CADM2: variants seen among roughly 807,000 people sequenced by gnomAD.
CADM2 encodes the protein cell adhesion molecule 2, also known as immunoglobulin superfamily member 4D.
CADM2 carries 12 observed loss-of-function variants against 49.8 expected under a neutral mutation model. That is an observed-to-expected ratio of 0.24 (90% CI 0.15 to 0.39). The LOEUF (loss-of-function observed/expected upper bound fraction) is 0.39. CADM2 is among the 10% of genes least tolerant of loss of function. The pLI is 1.00. For synonymous variants in CADM2, 214 were observed against 175.4 expected, an observed-to-expected ratio of 1.22 and a Z score of -1.74; for missense variants, 378 against 492.3, an observed-to-expected ratio of 0.77 and a Z score of 2.20.
At chr3:85,475,524 A>G (rs1408902267) in intron 1 of CADM2, among the ~76,000 whole-genome samples, 1 of 151,868 alleles carries the variant, frequency 6.6e-6, no homozygotes, top group Non-Finnish European at 1.5e-5. Flanking sequence ...TACATTTTTC[A>G]TGACCCGTTT....
intron 1 of CADM2, among the ~76,000 whole-genome samples, chr3:85,582,585 G>GGA (rs909783536): frequency 6.6e-5 from 10 of 152,074 alleles, no homozygotes; most frequent in Non-Finnish European, 1.0e-4. Context: ...CATGGAAGAT[G>GGA]GAGAGAGAGC....
chr3:85,555,873 A>G (rs2061944551), intron 1 of CADM2, among the ~76,000 whole-genome samples: 1 of 152,158 alleles, frequency 6.6e-6, no homozygotes, highest in African/African-American at 2.4e-5. Flanking sequence ...TTGTTATTTT[A>G]GACATTGAAA....
chr3:85,176,270 C>T (rs995186735), intron 1 of CADM2, among the ~76,000 whole-genome samples: 1 of 152,124 alleles, frequency 6.6e-6, no homozygotes, highest in Non-Finnish European at 1.5e-5. Flanking sequence ...AGCAGCCATA[C>T]CCTCTCACCA....
At chr3:85,930,394 C>A (rs968090510) in intron 6 of CADM2, among the ~76,000 whole-genome samples, 5 of 152,004 alleles carry the variant, frequency 3.3e-5, no homozygotes, top group African/African-American at 1.2e-4. Context: ...ACGAAATAAG[C>A]ACATCATGAA....
Position 85,295,785 on chromosome 3 carries a change from G to A in CADM2, c.61+336117G>A, listed in dbSNP as rs76813416. 1.5e-3 allele frequency among the ~76,000 whole-genome samples: 232 copies of A among 152,114 alleles called. 4 individuals are homozygous for A. In the East Asian group the frequency reaches 0.042, roughly 28 times the overall value. On this transcript the variant is annotated intron_variant, in intron 1 of 9. Transcript: ENST00000383699. ...CACTCTGGGGACTGTTGTGGGGTTG[G>A]GGGAGAGGGGAGGGATAGCATTGGG...
intron 1 of CADM2, among the ~76,000 whole-genome samples, chr3:84,985,851 T>C (rs1303112874): frequency 2.6e-5 from 4 of 152,216 alleles, no homozygotes; most frequent in Non-Finnish European, 5.9e-5. Flanking sequence ...TAAAAGATTC[T>C]AATCTAACCA....
At chr3:85,180,104 T>C (rs552253228) in intron 1 of CADM2, among the ~76,000 whole-genome samples, 1 of 152,180 alleles carries the variant, frequency 6.6e-6, no homozygotes, top group South Asian at 2.1e-4. Context: ...TGAATATAAA[T>C]AAAATAAATA....
chr3:85,317,986 G>T (rs1008611244), intron 1 of CADM2, among the ~76,000 whole-genome samples: 11 of 152,066 alleles, frequency 7.2e-5, no homozygotes, highest in Admixed American at 7.2e-4. Context: ...TATGGGTTAA[G>T]TGGTAGTTTA....
intron 1 of CADM2, among the ~76,000 whole-genome samples, chr3:85,301,346 G>A (rs937070976): frequency 2.0e-5 from 3 of 152,112 alleles, no homozygotes; most frequent in Non-Finnish European, 2.9e-5. Flanking sequence ...AATAGTATTC[G>A]TGTTTCCCAG....
At chr3:85,687,596 T>G (rs1431071541) in intron 1 of CADM2, among the ~76,000 whole-genome samples, 1 of 152,164 alleles carries the variant, frequency 6.6e-6, no homozygotes, top group Non-Finnish European at 1.5e-5. Context: ...ATTATACAAT[T>G]GAGTAATAAG....
intron 6 of CADM2, among the ~76,000 whole-genome samples, chr3:85,913,262 T>A (rs1577646071): frequency 6.6e-6 from 1 of 152,092 alleles, no homozygotes; most frequent in Admixed American, 6.6e-5. Context: ...CCTAGCAAGG[T>A]TTTAGTAGAC....
At chr3:85,535,636 A>C (rs552083259) in intron 1 of CADM2, among the ~76,000 whole-genome samples, 2 of 152,096 alleles carry the variant, frequency 1.3e-5, no homozygotes, top group African/African-American at 4.8e-5. Context: ...TGATAAGGAT[A>C]ATTATGTTGT....
At chr3:85,129,884 A>G (rs915692515) in intron 1 of CADM2, among the ~76,000 whole-genome samples, 5 of 152,238 alleles carry the variant, frequency 3.3e-5, no homozygotes, top group African/African-American at 1.2e-4. Context: ...GAAAATACCC[A>G]TAATGAATCT....
intron 1 of CADM2, among the ~76,000 whole-genome samples, chr3:85,595,763 C>T (rs181979846): frequency 6.6e-6 from 1 of 151,974 alleles, no homozygotes; most frequent in East Asian, 1.9e-4. Flanking sequence ...TATTTAAGTG[C>T]AATATGTTAT....
intron 1 of CADM2, among the ~76,000 whole-genome samples, chr3:85,642,986 A>C (rs1316198294): frequency 6.6e-6 from 1 of 152,188 alleles, no homozygotes; most frequent in Non-Finnish European, 1.5e-5. Context: ...ATTATTTTTC[A>C]TACCTTGGCA....
intron 8 of CADM2, chr3:86,013,883 A>C: frequency 6.3e-7 from 1 of 1,595,282 alleles, no homozygotes; most frequent in Non-Finnish European, 8.6e-7. Context: ...CTAGACTTTT[A>C]GAAAAATATC....
At chr3:85,447,693 A>C (rs1380538609) in intron 1 of CADM2, among the ~76,000 whole-genome samples, 1 of 152,214 alleles carries the variant, frequency 6.6e-6, no homozygotes, top group South Asian at 2.1e-4. Flanking sequence ...TAGGCAAATG[A>C]CATTCAGCCA....
intron 8 of CADM2, among the ~76,000 whole-genome samples, chr3:85,988,774 TCC>T (rs1728422007): frequency 6.6e-6 from 1 of 152,116 alleles, no homozygotes; most frequent in Non-Finnish European, 1.5e-5. Context: ...CTAGTTTAGG[TCC>T]ACTTATTTTT....
chr3:85,015,455 TAGG>T (rs1040976885), intron 1 of CADM2, among the ~76,000 whole-genome samples: 6 of 152,186 alleles, frequency 3.9e-5, no homozygotes, highest in Non-Finnish European at 4.4e-5. Flanking sequence ...CCCTATGTAT[TAGG>T]ACAGTTTGGC....
Sources: gnomAD v4.1 joint callset for allele counts (sites outside exome capture counted in the v4.1 genomes callset) on GRCh38, gnomAD v4.1.1 for gene constraint, MANE v1.5 for transcripts, NCBI Gene and HGNC (gene_info 2026-07-23, HGNC 2026-07-21) for gene names.